The following TMEM132C variants were observed in gnomAD, a reference collection of about 807,000 sequenced individuals.
TMEM132C encodes the protein protein phosphatase 1, regulatory subunit 152.
In TMEM132C, 29 loss-of-function variants were observed where a neutral mutation model predicts 61.4. That is an observed-to-expected ratio of 0.47 (90% CI 0.35 to 0.64). The LOEUF (loss-of-function observed/expected upper bound fraction) is 0.64. Among genes scored for constraint, TMEM132C ranks in the 30% least tolerant of loss-of-function variants. TMEM132C has a pLI of 0.00. For missense variants in TMEM132C, 1,408 were observed against 1,476.9 expected (o/e 0.95, Z 0.76); for synonymous variants, 656 against 633.1 (o/e 1.04, Z -0.54).
intron 2 of TMEM132C, among the ~76,000 whole-genome samples, chr12:128,468,060 G>A (rs544470606): frequency 1.3e-5 from 2 of 152,316 alleles, no homozygotes; most frequent in South Asian, 4.1e-4. Context: ...GGGCAGAGAG[G>A]TATCTGGTGA....
intron 8 of TMEM132C, among the ~76,000 whole-genome samples, chr12:128,700,420 T>C (rs1447443520): frequency 6.6e-6 from 1 of 152,228 alleles, no homozygotes; most frequent in Non-Finnish European, 1.5e-5. Context: ...GAGATGGATC[T>C]TGGCAAGTCA....
At chr12:128,292,579 G>A (rs1028130476) in intron 1 of TMEM132C, among the ~76,000 whole-genome samples, 2 of 151,998 alleles carry the variant, frequency 1.3e-5, no homozygotes, top group Non-Finnish European at 2.9e-5. Flanking sequence ...TAGTACCTAG[G>A]TACCCTAGTA....
chr12:128,536,325 G>T (rs1873524452), intron 2 of TMEM132C, among the ~76,000 whole-genome samples: 1 of 152,094 alleles, frequency 6.6e-6, no homozygotes, highest in Non-Finnish European at 1.5e-5. Context: ...CTCACTCATA[G>T]GTGGGAATTG....
In TMEM132C at chr12:128,415,981, T is replaced by G. The variant is rs1300548245; in HGVS notation, c.974+361T>G. Among the ~76,000 whole-genome samples, 1 of 152,180 alleles carries G rather than the reference T, an allele frequency of 6.6e-6. No homozygotes were observed. Among genetic ancestry groups the G allele is most frequent in the Non-Finnish European group, 1.5e-5 (1 of 68,042 alleles). Reference sequence around the variant, plus strand: ...CATTTGAGTTGCTTGATTGAAAGTCTACGTTCAAGAAGCCCAAGAAAAGGC... The same window carrying G: ...CATTTGAGTTGCTTGATTGAAAGTCGACGTTCAAGAAGCCCAAGAAAAGGC... On this transcript the variant is annotated intron_variant, in intron 2 of 8. Transcript: ENST00000435159. This position sits in a 1 kb window ranked among gnomAD's most constrained non-coding sequence, Gnocchi z 5.8.
intron 3 of TMEM132C, among the ~76,000 whole-genome samples, chr12:128,561,461 C>T (rs1304419020): frequency 2.6e-5 from 4 of 152,196 alleles, no homozygotes; most frequent in Non-Finnish European, 5.9e-5. Flanking sequence ...CAGTTAGGGA[C>T]CTCTGACTAC....
chr12:128,387,160 AAGAAAC>A (rs1874612069), intron 1 of TMEM132C, among the ~76,000 whole-genome samples: 5 of 151,738 alleles, frequency 3.3e-5, no homozygotes, highest in African/African-American at 1.2e-4. Context: ...AAAAAAAAAA[AAGAAAC>A]TAAAAACTGG....
At chr12:128,639,106 T>TA (rs1954129289) in intron 4 of TMEM132C, among the ~76,000 whole-genome samples, 1 of 149,594 alleles carries the variant, frequency 6.7e-6, no homozygotes. Flanking sequence ...GTGTTGATAA[T>TA]GACAGTGGTG....
chr12:128,328,867 C>T (rs1872599696), intron 1 of TMEM132C, among the ~76,000 whole-genome samples: 1 of 151,618 alleles, frequency 6.6e-6, no homozygotes, highest in African/African-American at 2.4e-5. Flanking sequence ...TGATTTGAGC[C>T]AGTTATAAAG....
At chr12:128,511,044 G>A (rs1238376970) in intron 2 of TMEM132C, among the ~76,000 whole-genome samples, 1 of 152,240 alleles carries the variant, frequency 6.6e-6, no homozygotes, top group African/African-American at 2.4e-5. Flanking sequence ...CAGGCATGGA[G>A]TGGTTGGGTG....
At chr12:128,501,797 T>A (rs1872190872) in intron 2 of TMEM132C, among the ~76,000 whole-genome samples, 1 of 152,240 alleles carries the variant, frequency 6.6e-6, no homozygotes, top group Non-Finnish European at 1.5e-5. Flanking sequence ...GAACTTTTTG[T>A]AAGGCCCAAG....
chr12:128,657,674 AT>A (rs1446862269), intron 4 of TMEM132C, among the ~76,000 whole-genome samples: 1 of 152,298 alleles, frequency 6.6e-6, no homozygotes, highest in East Asian at 1.9e-4. Flanking sequence ...TCATCTAGGC[AT>A]GCTCAGGCTA....
chr12:128,370,606 C>T (rs1297411867), intron 1 of TMEM132C, among the ~76,000 whole-genome samples: 2 of 151,744 alleles, frequency 1.3e-5, no homozygotes, highest in Non-Finnish European at 2.9e-5. Context: ...AGAGGCACAG[C>T]ACCAAGAAAA....
intron 2 of TMEM132C, among the ~76,000 whole-genome samples, chr12:128,493,844 T>C (rs1319645266): frequency 1.3e-5 from 2 of 151,998 alleles, no homozygotes; most frequent in Admixed American, 6.6e-5. Context: ...CCTTTATTTC[T>C]TTCTCCTGCC....
At chr12:128,409,474 C>A (rs972945471) in intron 1 of TMEM132C, among the ~76,000 whole-genome samples, 1 of 152,162 alleles carries the variant, frequency 6.6e-6, no homozygotes, top group African/African-American at 2.4e-5. Context: ...CTGTAAGTCA[C>A]CTCCTCCCAT....
At chr12:128,697,899 C>T (rs1954777394) in intron 8 of TMEM132C, among the ~76,000 whole-genome samples, 1 of 152,200 alleles carries the variant, frequency 6.6e-6, no homozygotes, top group African/African-American at 2.4e-5. Context: ...TTTGCAATTG[C>T]TGTTGCTTTT....
intron 2 of TMEM132C, among the ~76,000 whole-genome samples, chr12:128,465,476 C>CTA (rs1870700981): frequency 6.6e-6 from 1 of 152,240 alleles, no homozygotes; most frequent in South Asian, 2.1e-4. Flanking sequence ...GCTATGGTTA[C>CTA]AGGCATGAGC....
chr12:128,464,027 A>G (rs888140340), intron 2 of TMEM132C, among the ~76,000 whole-genome samples: 6 of 152,184 alleles, frequency 3.9e-5, no homozygotes, highest in Non-Finnish European at 8.8e-5. Flanking sequence ...CAGGTATTTC[A>G]ACAGACAAGG....
intron 2 of TMEM132C, among the ~76,000 whole-genome samples, chr12:128,480,652 T>C (rs1170840170): frequency 6.6e-6 from 1 of 151,812 alleles, no homozygotes; most frequent in Admixed American, 6.5e-5. Context: ...GAGCTGAATT[T>C]TGGGAATTCC....
At chr12:128,351,239 A>G (rs1873328307) in intron 1 of TMEM132C, among the ~76,000 whole-genome samples, 1 of 152,112 alleles carries the variant, frequency 6.6e-6, no homozygotes, top group African/African-American at 2.4e-5. Context: ...TCATTTTTTT[A>G]AAGGCTCACT....
Sources: gnomAD v4.1 joint callset for allele counts (sites outside exome capture counted in the v4.1 genomes callset) on GRCh38, gnomAD v4.1.1 for gene constraint, Gnocchi (gnomAD v3.1) non-coding constraint, MANE v1.5 for transcripts, NCBI Gene and HGNC (gene_info 2026-07-23, HGNC 2026-07-21) for gene names.